PRDM15: variants seen among roughly 807,000 people sequenced by gnomAD.
The protein encoded by PRDM15 is PR domain zinc finger protein 15.
In PRDM15, 64 loss-of-function variants were observed where a neutral mutation model predicts 128.6. That is an observed-to-expected ratio of 0.50 (90% CI 0.41 to 0.61). The LOEUF (loss-of-function observed/expected upper bound fraction) is 0.61, where lower values mean the gene tolerates loss of function less well. Among genes scored for constraint, PRDM15 ranks in the 20% least tolerant of loss-of-function variants. The pLI is 0.00. For synonymous variants in PRDM15, 615 were observed against 621.8 expected, an observed-to-expected ratio of 0.99 and a Z score of 0.16; for missense variants, 1,242 against 1,569.1, an observed-to-expected ratio of 0.79 and a Z score of 3.52.
At chr21:41,836,710 G>A in intron 8 of PRDM15, 61 bp from the exon 9 acceptor site, 2 of 1,468,820 alleles carry the variant, frequency 1.4e-6, no homozygotes, top group East Asian at 2.3e-5. Context: ...CAGGTTACAA[G>A]CAGCATGAAA....
chr21:41,845,692 T>C (rs1250095049), intron 6 of PRDM15, among the ~76,000 whole-genome samples: 1 of 152,146 alleles, frequency 6.6e-6, no homozygotes, highest in Non-Finnish European at 1.5e-5. Flanking sequence ...TTAGTCACCA[T>C]CAGCCTAATT....
At chr21:41,826,825 G>A (rs28516731) in intron 12 of PRDM15, among the ~76,000 whole-genome samples, 93,530 of 151,970 alleles carry the variant, frequency 0.62, 28,982 homozygotes, top group Admixed American at 0.68. Context: ...CTAAGCTCCA[G>A]TATGAGGGAC....
At chr21:41,856,183 C>T (rs1433628343) in intron 4 of PRDM15, among the ~76,000 whole-genome samples, 1 of 17,358 alleles carries the variant, frequency 5.8e-5, no homozygotes, top group African/African-American at 3.3e-4. Flanking sequence ...TCCTTCCCTC[C>T]CTCCCCTCCC....
rs772644287 is a variant in PRDM15 at position 41,839,653 on chromosome 21, G to C, written c.841C>G (p.Leu281Val). ...GGTTCCTTGTCTTCCACGATGACTA[G>C]AGGCTGCTCAGCTTTGGACACTTTG... Reference protein sequence around the residue: ...KPKVSKAEQPLVIVEDKEPTE... With the variant: ...KPKVSKAEQPVVIVEDKEPTE... The change falls in exon 7 of 24, where the codon CTA (leucine) becomes GTA (valine). Residue 281 changes from leucine (L) to valine (V), a missense_variant. This residue lies in a region of PRDM15 where 612 missense variants were observed against 717.0 expected (regional missense o/e 0.85). Coordinates refer to ENST00000398548, the MANE Select transcript of PRDM15 (RefSeq NM_001040424.3). The C allele has an allele frequency of 2.7e-5, 43 of 1,614,146 alleles. No individual in the cohort carries two copies. In the Admixed American group the frequency reaches 3.8e-4, roughly 14 times the overall value.
At chr21:41,853,517 G>A (rs553789231) in intron 5 of PRDM15, among the ~76,000 whole-genome samples, 30 of 152,232 alleles carry the variant, frequency 2.0e-4, no homozygotes, top group African/African-American at 6.7e-4. Flanking sequence ...CTGTTTTGCA[G>A]GTCAAAAGAC....
In PRDM15 at chr21:41,838,033, G is replaced by A. The variant is rs1295120364; in HGVS notation, c.902C>T (p.Pro301Leu). 12 of 1,614,184 alleles carry A rather than the reference G, an allele frequency of 7.4e-6. No homozygotes were observed. In the East Asian group the frequency reaches 2.7e-4, roughly 36 times the overall value. ...CGTTGCACTCACAGGCTCATCCGGA[G>A]GGACCTCGGTAATGATCTCTGCCAC... Reference protein sequence around the residue: ...EQVAEIITEVPPDEPVSATPD... With the variant: ...EQVAEIITEVLPDEPVSATPD... The change falls in exon 8 of 24, where the codon CCT becomes CTT. Residue 301 changes from proline to leucine, a missense_variant. By Grantham distance (98) the Pro-to-Leu change is moderately conservative. Coordinates refer to ENST00000398548, the MANE Select transcript of PRDM15 (RefSeq NM_001040424.3).
intron 1 of PRDM15, chr21:41,878,721 G>C (rs540229422): frequency 6.4e-7 from 1 of 1,573,730 alleles, no homozygotes; most frequent in South Asian, 1.1e-5. Flanking sequence ...TAAACGCGGG[G>C]TTGGGGGTCC....
In PRDM15 at chr21:41,836,457, C is replaced by G; in HGVS notation, c.1183+11G>C. 1.9e-6 allele frequency: 3 copies of G among 1,603,012 alleles called. No individual in the cohort carries two copies. The highest frequency in any genetic ancestry group is 1.7e-6 in the Non-Finnish European group (2 of 1,172,810). On this transcript the variant is annotated intron_variant, in intron 9 of 23. Coordinates refer to ENST00000398548, the MANE Select transcript of PRDM15 (RefSeq NM_001040424.3). The stretch of plus-strand genomic sequence containing the variant: ...CTGGCCCCGGGCGCCAGCCGGGCCT[C>G]GCGGACTCACCATGCGAGCGCACGT...
At chr21:41,835,054 C>T (rs368315055) in intron 11 of PRDM15, among the ~76,000 whole-genome samples, 7 of 152,148 alleles carry the variant, frequency 4.6e-5, no homozygotes, top group East Asian at 1.9e-4. Flanking sequence ...TGCAAGCAAG[C>T]GAGGAGCGCT....
chr21:41,874,329 T>C lies in PRDM15; in HGVS notation c.-10+4941A>G, dbSNP rs575974604. Among the ~76,000 whole-genome samples, 150 of 151,502 alleles carry C rather than the reference T, an allele frequency of 9.9e-4. 1 individual carries two copies. Among genetic ancestry groups the C allele is most frequent in the African/African-American group, 3.5e-3 (144 of 41,306 alleles). On this transcript the variant is annotated intron_variant, in intron 1 of 23. Transcript: ENST00000398548. ...CCTGCAGGTCAGATGTGCTGGGGGA[T>C]AGGGACCCAGGGAGACAAGAGGCAT...
rs773051087 is a variant in PRDM15 at position 41,838,005 on chromosome 21, T to C, written c.930A>G (p.Pro310=). The C allele has an allele frequency of 1.1e-5, 17 of 1,614,202 alleles. No homozygotes were observed. Among genetic ancestry groups the C allele is most frequent in the Non-Finnish European group, 1.4e-5 (17 of 1,180,004 alleles). The stretch of plus-strand genomic sequence containing the variant: ...GAACCAGCTCCATGATCCGCTCATC[T>C]GGCGTTGCACTCACAGGCTCATCCG... ...VPPDEPVSAT[P]DERIMELVLG... The change falls in exon 8 of 24, where the codon CCA becomes CCG. Residue 310 remains proline (P), a synonymous_variant. Coordinates refer to ENST00000398548, the MANE Select transcript of PRDM15 (RefSeq NM_001040424.3).
rs745763484 is a variant in PRDM15, at chr21:41,836,662, G to A, written c.1002-13C>T. ...ATGATGGGTGAACCTGCCCAGGGAC[G>A]TCAATAAGTTGGGAAAAGACAGGTG... On this transcript the variant is annotated splice_polypyrimidine_tract_variant and intron_variant, in intron 8 of 23. Coordinates refer to ENST00000398548, the MANE Select transcript of PRDM15 (RefSeq NM_001040424.3). The A allele has an allele frequency of 2.0e-5, 32 of 1,579,102 alleles. 1 individual carries two copies. Among genetic ancestry groups the A allele is most frequent in the Admixed American group, 8.6e-5 (5 of 58,000 alleles).
chr21:41,873,185 G>A (rs2064276010), intron 1 of PRDM15, among the ~76,000 whole-genome samples: 1 of 152,172 alleles, frequency 6.6e-6, no homozygotes, highest in Non-Finnish European at 1.5e-5. Flanking sequence ...TCCTTCTCCT[G>A]CATGTGAAGC....
At chr21:41,806,984 C>T (rs1176376669) in intron 21 of PRDM15, among the ~76,000 whole-genome samples, 5 of 151,394 alleles carry the variant, frequency 3.3e-5, no homozygotes, top group African/African-American at 1.2e-4. Context: ...AACACCACCA[C>T]CTCCCCCATC....
At chr21:41,866,437 C>T (rs1277199051) in intron 1 of PRDM15, among the ~76,000 whole-genome samples, 2 of 152,248 alleles carry the variant, frequency 1.3e-5, no homozygotes, top group Admixed American at 1.3e-4. Context: ...AGGAGGTGGC[C>T]CCGGCCTGGG....
chr21:41,831,028 C>T (rs540387547), intron 11 of PRDM15, among the ~76,000 whole-genome samples: 23 of 152,372 alleles, frequency 1.5e-4, no homozygotes, highest in African/African-American at 4.6e-4. Flanking sequence ...CTCCCTGTGT[C>T]GCCAACGTGG....
intron 1 of PRDM15, among the ~76,000 whole-genome samples, chr21:41,868,482 G>A: frequency 6.6e-6 from 1 of 152,040 alleles, no homozygotes; most frequent in Admixed American, 6.6e-5. Context: ...TTTCTCGGCG[G>A]CCTCACCAGC....
intron 11 of PRDM15, among the ~76,000 whole-genome samples, chr21:41,835,054 C>A (rs368315055): frequency 6.6e-6 from 1 of 152,148 alleles, no homozygotes; most frequent in Admixed American, 6.5e-5. Context: ...TGCAAGCAAG[C>A]GAGGAGCGCT....
At chr21:41,876,049 G>T (rs980664469) in intron 1 of PRDM15, among the ~76,000 whole-genome samples, 1 of 152,168 alleles carries the variant, frequency 6.6e-6, no homozygotes, top group African/African-American at 2.4e-5. Context: ...TAACACAATA[G>T]TAAGTATTTG....
Sources: allele counts gnomAD v4.1 joint callset (sites outside exome capture counted in the v4.1 genomes callset), GRCh38; gene constraint gnomAD v4.1.1; regional missense constraint gnomAD v4.1.1; transcripts MANE v1.5; gene names NCBI Gene and HGNC (gene_info 2026-07-23, HGNC 2026-07-21).